The following SPIRE1 variants were observed in gnomAD, a reference collection of about 807,000 sequenced individuals.
SPIRE1 encodes spire type actin nucleation factor 1.
Under a neutral mutation model 94.1 loss-of-function variants are expected in SPIRE1, and 40 were observed. The ratio of observed to expected loss-of-function variants is 0.43; its 90% CI spans 0.33 to 0.55. SPIRE1 has a LOEUF of 0.55. Among genes scored for constraint, SPIRE1 ranks in the 20% least tolerant of loss-of-function variants. SPIRE1 has a pLI of 0.06. For missense variants in SPIRE1, 838 were observed against 975.2 expected (o/e 0.86, Z 1.87); for synonymous variants, 376 against 371.7 (o/e 1.01, Z -0.13).
At chr18:12,606,899 T>C (rs2036994275) in intron 2 of SPIRE1, among the ~76,000 whole-genome samples, 2 of 152,326 alleles carry the variant, frequency 1.3e-5, no homozygotes, top group South Asian at 4.1e-4. Flanking sequence ...ACAGCTGACT[T>C]ACTCTTATAC....
At position 12,449,524 on chromosome 18, in the gene SPIRE1, T is replaced by C; in HGVS notation, c.*114A>G. ...AATGTGATGCGGCAAAAATCTGATC[T>C]AATGCAAATTCAAGCCCATTAAATA... On this transcript the variant is annotated 3_prime_UTR_variant, in exon 17 of 17. Transcript: ENST00000409402. 9.1e-7 allele frequency: 1 copy of C among 1,094,432 alleles called. No homozygotes were observed. The highest frequency in any genetic ancestry group is 1.3e-6 in the Non-Finnish European group (1 of 772,626). The allele number at this position is 1,094,432 out of a possible 1,614,324, so 67.8% of individuals were successfully genotyped here.
At chr18:12,504,851 T>C (rs1427595832) in intron 6 of SPIRE1, among the ~76,000 whole-genome samples, 2 of 152,186 alleles carry the variant, frequency 1.3e-5, no homozygotes, top group South Asian at 4.1e-4. Context: ...AGGCAAATTA[T>C]GTGGCTATGA....
intron 2 of SPIRE1, among the ~76,000 whole-genome samples, chr18:12,578,892 T>C (rs1020551169): frequency 6.6e-6 from 1 of 152,156 alleles, no homozygotes; most frequent in African/African-American, 2.4e-5. Flanking sequence ...TTTGACTTTT[T>C]TTCTATAAGT....
At chr18:12,604,974 C>T (rs1201594186) in intron 2 of SPIRE1, among the ~76,000 whole-genome samples, 1 of 151,810 alleles carries the variant, frequency 6.6e-6, no homozygotes, top group African/African-American at 2.4e-5. Context: ...GGACATTATG[C>T]TAAACGAAAT....
At chr18:12,534,841 G>A (rs1228049098) in intron 4 of SPIRE1, among the ~76,000 whole-genome samples, 1 of 152,156 alleles carries the variant, frequency 6.6e-6, no homozygotes, top group African/African-American at 2.4e-5. Context: ...TTACAGGCAT[G>A]AGCCTGCACC....
chr18:12,578,062 G>A (rs1212086405), intron 2 of SPIRE1, among the ~76,000 whole-genome samples: 1 of 152,152 alleles, frequency 6.6e-6, no homozygotes, highest in African/African-American at 2.4e-5. Flanking sequence ...ATAAGTATTG[G>A]TGAAGATGTG....
chr18:12,499,459 G>T (rs2033580218), intron 6 of SPIRE1, among the ~76,000 whole-genome samples: 1 of 151,484 alleles, frequency 6.6e-6, no homozygotes, highest in African/African-American at 2.4e-5. Flanking sequence ...TGATTATTTG[G>T]GATTCCTTGA....
At chr18:12,626,103 A>C (rs1386266811) in intron 2 of SPIRE1, among the ~76,000 whole-genome samples, 2 of 151,808 alleles carry the variant, frequency 1.3e-5, no homozygotes, top group Non-Finnish European at 2.9e-5. Flanking sequence ...AGAAGGTAGA[A>C]TCAATTATGG....
intron 4 of SPIRE1, among the ~76,000 whole-genome samples, chr18:12,521,601 T>C (rs2034361373): frequency 6.6e-6 from 1 of 152,186 alleles, no homozygotes. Flanking sequence ...CCCAAAGTGC[T>C]GGGATTACAG....
intron 4 of SPIRE1, among the ~76,000 whole-genome samples, chr18:12,521,148 A>C (rs2144096642): frequency 6.6e-6 from 1 of 152,354 alleles, no homozygotes; most frequent in Non-Finnish European, 1.5e-5. Context: ...TCCCCCAGCA[A>C]AAGAAGATAC....
chr18:12,501,797 C>T (rs1164595791), intron 6 of SPIRE1, among the ~76,000 whole-genome samples: 1 of 152,050 alleles, frequency 6.6e-6, no homozygotes, highest in African/African-American at 2.4e-5. Context: ...CCTGCCTCTA[C>T]AAAAAATTAA....
rs371731668 is a variant in SPIRE1 at position 12,576,117 on chromosome 18, C to T, written c.373-29213G>A. Among the ~76,000 whole-genome samples, 18 of 152,062 alleles carry T rather than the reference C, an allele frequency of 1.2e-4. No homozygotes were observed. The East Asian group carries it at 2.7e-3, about 23-fold the overall frequency. On this transcript the variant is annotated intron_variant, in intron 2 of 16. Transcript: ENST00000409402. ...ACTCGGGAGGCTGAGGCAAGAGAATCGCTTGAACCCAGGAGGGAGAGGTTG... is the reference window on the plus strand; with the variant it reads ...ACTCGGGAGGCTGAGGCAAGAGAATTGCTTGAACCCAGGAGGGAGAGGTTG...
chr18:12,601,629 C>G (rs1239500074), intron 2 of SPIRE1, among the ~76,000 whole-genome samples: 1 of 152,096 alleles, frequency 6.6e-6, no homozygotes, highest in East Asian at 1.9e-4. Flanking sequence ...CATTTGCAGG[C>G]ACTCCTCTTC....
At chr18:12,646,103 C>T (rs1342738665) in intron 1 of SPIRE1, among the ~76,000 whole-genome samples, 7 of 152,294 alleles carry the variant, frequency 4.6e-5, no homozygotes, top group Admixed American at 2.0e-4. Context: ...GGCAGCACAA[C>T]GCCACACTTG....
chr18:12,494,766 G>T (rs2033382115), intron 7 of SPIRE1, among the ~76,000 whole-genome samples: 1 of 147,256 alleles, frequency 6.8e-6, no homozygotes, highest in Admixed American at 6.9e-5. Context: ...GTGAACCCGG[G>T]AGGTGGAGCT....
chr18:12,490,195 A>C (rs2033183370), intron 8 of SPIRE1, among the ~76,000 whole-genome samples: 1 of 152,208 alleles, frequency 6.6e-6, no homozygotes, highest in South Asian at 2.1e-4. Flanking sequence ...CCAATTGTCA[A>C]GGTTAAAATA....
At chr18:12,461,284 T>C (rs926716139) in intron 12 of SPIRE1, among the ~76,000 whole-genome samples, 2 of 152,120 alleles carry the variant, frequency 1.3e-5, no homozygotes, top group African/African-American at 2.4e-5. Context: ...TGACATTGTA[T>C]GATCACATAA....
chr18:12,576,062 G>A (rs2036085021), intron 2 of SPIRE1, among the ~76,000 whole-genome samples: 1 of 151,396 alleles, frequency 6.6e-6, no homozygotes, highest in Non-Finnish European at 1.5e-5. Context: ...AATTAGCTGG[G>A]CATGGTGGTG....
At chr18:12,618,565 C>T (rs1412077553) in intron 2 of SPIRE1, among the ~76,000 whole-genome samples, 1 of 151,988 alleles carries the variant, frequency 6.6e-6, no homozygotes, top group Admixed American at 6.6e-5. Context: ...AGTTTGAAAG[C>T]TATCTATACT....
Sources: gnomAD v4.1 joint callset for allele counts (sites outside exome capture counted in the v4.1 genomes callset) on GRCh38, gnomAD v4.1.1 for gene constraint, MANE v1.5 for transcripts, NCBI Gene and HGNC (gene_info 2026-07-23, HGNC 2026-07-21) for gene names.